GABRA5: variants seen among roughly 807,000 people sequenced by gnomAD.
The protein encoded by GABRA5 is gamma-aminobutyric acid type A receptor subunit alpha5.
A neutral mutation model predicts 47.3 loss-of-function variants in GABRA5; 18 were observed. The observed-to-expected ratio is 0.38, with a 90% CI of 0.26 to 0.56. GABRA5 has a LOEUF of 0.56. Among genes scored for constraint, GABRA5 ranks in the 20% least tolerant of loss-of-function variants. GABRA5 has a pLI of 0.71. For synonymous variants in GABRA5, 237 were observed against 229.3 expected (o/e 1.03, Z -0.30); for missense variants, 365 against 599.3 (o/e 0.61, Z 4.08).
intron 6 of GABRA5, among the ~76,000 whole-genome samples, chr15:26,894,463 C>T (rs972799846): frequency 1.3e-5 from 2 of 152,132 alleles, no homozygotes; most frequent in Non-Finnish European, 2.9e-5. Flanking sequence ...TCCCCCCGGG[C>T]TCTTGCCTGC....
intron 6 of GABRA5, among the ~76,000 whole-genome samples, chr15:26,903,317 A>C (rs1021495867): frequency 6.6e-6 from 1 of 152,180 alleles, no homozygotes; most frequent in Non-Finnish European, 1.5e-5. Context: ...ATAGTATTCC[A>C]TGGTGTATAT....
At chr15:26,901,365 T>C (rs1328150399) in intron 6 of GABRA5, among the ~76,000 whole-genome samples, 2 of 152,200 alleles carry the variant, frequency 1.3e-5, no homozygotes, top group African/African-American at 4.8e-5. Context: ...AGGAGATGTG[T>C]AGTGATATCT....
intron 6 of GABRA5, 70 bp from the exon 7 acceptor site, chr15:26,914,733 A>T: frequency 1.7e-6 from 2 of 1,183,328 alleles, no homozygotes; most frequent in Non-Finnish European, 2.5e-6. Context: ...GCTTTCTGGG[A>T]CACGATGGTG....
In GABRA5 at chr15:26,883,577, G is replaced by C; in HGVS notation, c.497+20G>C. ...CATGCGGTGAGCGCCGGGCGGGGGC[G>C]GGCGGGGCCGGGGGACGGTGCGGGG... On this transcript the variant is annotated intron_variant, in intron 6 of 10. Coordinates refer to ENST00000335625, the MANE Select transcript of GABRA5 (RefSeq NM_000810.4). This position sits in a 1 kb window ranked among gnomAD's most constrained non-coding sequence, Gnocchi z 4.8. 3 of 1,497,064 alleles carry C rather than the reference G, an allele frequency of 2.0e-6. No individual in the cohort carries two copies. Among genetic ancestry groups the C allele is most frequent in the Non-Finnish European group, 1.8e-6 (2 of 1,101,532 alleles). The allele number at this position is 1,497,064 out of a possible 1,614,324, so 92.7% of individuals were successfully genotyped here. A position where few individuals can be genotyped will look rare whatever the true frequency, so the allele number is the denominator to read the frequency against.
chr15:26,943,139 A>T (rs894779960), intron 9 of GABRA5, 76 bp from the exon 10 acceptor site: 4 of 966,376 alleles, frequency 4.1e-6, no homozygotes, highest in Non-Finnish European at 6.1e-6. Flanking sequence ...CACTTTGGGC[A>T]TGTTGTACTG....
intron 8 of GABRA5, chr15:26,939,627 TG>T (rs1310276423): frequency 1.5e-5 from 9 of 598,890 alleles, no homozygotes; most frequent in East Asian, 5.5e-5. Context: ...GGCGAGGGAG[TG>T]GGGGGAGAGA....
At chr15:26,919,930 C>T (rs1363123425) in intron 7 of GABRA5, among the ~76,000 whole-genome samples, 2 of 149,532 alleles carry the variant, frequency 1.3e-5, no homozygotes, top group Non-Finnish European at 1.5e-5. Flanking sequence ...TTTTATCATT[C>T]CCTGCTGTCC....
chr15:26,884,185 T>C (rs1892817839), intron 6 of GABRA5, among the ~76,000 whole-genome samples: 1 of 151,640 alleles, frequency 6.6e-6, no homozygotes, highest in South Asian at 2.1e-4. Flanking sequence ...TGAGATTCTG[T>C]CTCGAAAAAA....
rs1490031597 is a variant in GABRA5 at position 26,869,211 on chromosome 15, T to G, written c.-38T>G. Reference sequence around the variant, plus strand: ...AGCTGGAGAAGGGAAGAGTTATTCCTCCATATTCACCTGCTTCAACTACTA... The same window carrying G: ...AGCTGGAGAAGGGAAGAGTTATTCCGCCATATTCACCTGCTTCAACTACTA... On this transcript the variant is annotated 5_prime_UTR_variant, in exon 3 of 11. Transcript: ENST00000335625. 2.4e-6 allele frequency: 3 copies of G among 1,227,948 alleles called. No individual in the cohort carries two copies. In the Admixed American group the frequency reaches 5.0e-5, roughly 21 times the overall value. The allele number at this position is 1,227,948 out of a possible 1,614,324, so 76.1% of individuals were successfully genotyped here.
rs757162759 is a variant in GABRA5, at chr15:26,883,290, C to T, written c.277-47C>T. The T allele has an allele frequency of 3.7e-6, 6 of 1,611,484 alleles. No individual in the cohort carries two copies. Among genetic ancestry groups the T allele is most frequent in the Non-Finnish European group, 5.1e-6 (6 of 1,177,670 alleles). ...TCTTACTCCGCGCCGCAGGCCCCCG[C>T]CCAGGCCCCGTGCCCTCTGACTGCC... On this transcript the variant is annotated intron_variant, in intron 5 of 10. Coordinates refer to ENST00000335625, the MANE Select transcript of GABRA5 (RefSeq NM_000810.4). This position sits in a 1 kb window ranked among gnomAD's most constrained non-coding sequence, Gnocchi z 4.8.
chr15:26,913,292 A>C (rs1893643131), intron 6 of GABRA5, among the ~76,000 whole-genome samples: 1 of 152,082 alleles, frequency 6.6e-6, no homozygotes. Flanking sequence ...CTTTGGGGAA[A>C]CCTTCCGTCA....
intron 7 of GABRA5, among the ~76,000 whole-genome samples, chr15:26,927,718 A>G (rs1893994692): frequency 6.6e-6 from 1 of 152,202 alleles, no homozygotes; most frequent in Non-Finnish European, 1.5e-5. Flanking sequence ...GTTCACTTAT[A>G]CCATTGGCAT....
chr15:26,925,164 C>T lies in GABRA5; in HGVS notation c.580+10279C>T, dbSNP rs576168692. On this transcript the variant is annotated intron_variant, in intron 7 of 10. Transcript: ENST00000335625. ...CTGAGCCTCTTGAATCTAAATTTGT[C>T]TTTCACCAAATTTGAGGCATTTTGA... Among the ~76,000 whole-genome samples the T allele has an allele frequency of 3.3e-5, 5 of 152,036 alleles. No individual in the cohort carries two copies. In the East Asian group the frequency reaches 9.7e-4, roughly 29 times the overall value.
chr15:26,872,907 G>T (rs558175135), intron 3 of GABRA5, among the ~76,000 whole-genome samples: 1 of 152,346 alleles, frequency 6.6e-6, no homozygotes, highest in South Asian at 2.1e-4. Flanking sequence ...ATATGAAATT[G>T]CTTTGAAAAT....
At chr15:26,896,586 A>C (rs527625897) in intron 6 of GABRA5, among the ~76,000 whole-genome samples, 1 of 152,352 alleles carries the variant, frequency 6.6e-6, no homozygotes, top group East Asian at 1.9e-4. Context: ...CCATGTGTTA[A>C]GCAATTACTA....
intron 6 of GABRA5, among the ~76,000 whole-genome samples, chr15:26,904,756 C>A (rs2140283263): frequency 6.6e-6 from 1 of 152,136 alleles, no homozygotes; most frequent in Admixed American, 6.6e-5. Context: ...CCTGATTTGG[C>A]TCTTGGCTTG....
chr15:26,943,511 T>G, intron 10 of GABRA5, 85 bp downstream of exon 10: 1 of 1,229,088 alleles, frequency 8.1e-7, no homozygotes, highest in Non-Finnish European at 1.2e-6. Flanking sequence ...GACAAGGTGC[T>G]GCTCCTTCCT....
At chr15:26,907,630 C>T (rs1340033393) in intron 6 of GABRA5, among the ~76,000 whole-genome samples, 1 of 152,140 alleles carries the variant, frequency 6.6e-6, no homozygotes, top group East Asian at 1.9e-4. Context: ...GATCTACAAC[C>T]ATCACAGAAT....
At chr15:26,901,452 A>G (rs909164387) in intron 6 of GABRA5, among the ~76,000 whole-genome samples, 2 of 152,060 alleles carry the variant, frequency 1.3e-5, no homozygotes, top group African/African-American at 4.8e-5. Context: ...TATCATCTGT[A>G]TGTCTTTTTT....
Sources: gnomAD v4.1 joint callset for allele counts (sites outside exome capture counted in the v4.1 genomes callset) on GRCh38, gnomAD v4.1.1 for gene constraint, Gnocchi (gnomAD v3.1) non-coding constraint, MANE v1.5 for transcripts, NCBI Gene and HGNC (gene_info 2026-07-23, HGNC 2026-07-21) for gene names.